Variants in ABRAXAS1 observed in about 807,000 individuals in gnomAD.
The protein encoded by ABRAXAS1 is BRCA1-A complex subunit Abraxas 1.
A neutral mutation model predicts 38.4 loss-of-function variants in ABRAXAS1; 26 were observed. That is an observed-to-expected ratio of 0.68 (90% CI 0.50 to 0.94). ABRAXAS1 has a LOEUF of 0.94. Among genes scored for constraint, ABRAXAS1 ranks in the 40% least tolerant of loss-of-function variants. The pLI is 0.00. For missense variants in ABRAXAS1, 438 were observed against 481.9 expected, an observed-to-expected ratio of 0.91 and a Z score of 0.85; for synonymous variants, 144 against 165.5, an observed-to-expected ratio of 0.87 and a Z score of 1.00.
chr4:83,461,442 C>T lies in ABRAXAS1; in HGVS notation c.*1027G>A. The T allele has an allele frequency of 2.2e-6, 1 of 458,014 alleles. No individual in the cohort carries two copies. Among genetic ancestry groups the T allele is most frequent in the Non-Finnish European group, 4.0e-6 (1 of 249,152 alleles). 28.4% of individuals were successfully genotyped at this position (458,014 alleles called of 1,614,324 possible). On this transcript the variant is annotated 3_prime_UTR_variant, in exon 9 of 9. Transcript: ENST00000321945. ...TCATTTATATCTGATCCCCAAATAG[C>T]TCATACAATAATCCATTCAATAGAA...
intron 2 of ABRAXAS1, chr4:83,477,866 ACT>A (rs1032647897): frequency 1.3e-6 from 1 of 749,122 alleles, no homozygotes; most frequent in Non-Finnish European, 2.4e-6. Context: ...AGAAGATGAA[ACT>A]CTTTTAATCA....
chr4:83,476,051 A>C (rs779477109), intron 3 of ABRAXAS1, among the ~76,000 whole-genome samples: 4 of 152,154 alleles, frequency 2.6e-5, no homozygotes, highest in African/African-American at 9.7e-5. Context: ...AAATATAAAA[A>C]TTAGCTGGGT....
chr4:83,480,671 A>G (rs1722968070), intron 2 of ABRAXAS1, among the ~76,000 whole-genome samples: 1 of 152,194 alleles, frequency 6.6e-6, no homozygotes, highest in Non-Finnish European at 1.5e-5. Flanking sequence ...CAGTAATACC[A>G]TATCTAGGAA....
chr4:83,481,849 A>C (rs1418346356), intron 2 of ABRAXAS1, among the ~76,000 whole-genome samples: 1 of 152,130 alleles, frequency 6.6e-6, no homozygotes, highest in Non-Finnish European at 1.5e-5. Flanking sequence ...TCTCAGGTTC[A>C]AGCAATTCTC....
In ABRAXAS1 at chr4:83,462,770, C is replaced by G; in HGVS notation, c.929G>C (p.Ser310Thr). ...SLKNRHVSKS[S>T]CNYNHHLDVV... ...ATCGAGATGGTGGTTGTAGTTACAG[C>G]TACTTTTAGAAACATGTCTATTTTT... is the stretch of plus-strand genomic sequence containing the variant. Residue 310 changes from serine (S) to threonine (T), a missense_variant, in exon 9 of 9, where the codon AGC becomes ACC. Ser to Thr is a moderately conservative substitution (Grantham distance 58, BLOSUM62 1). Around this residue, in one of 3 missense-constraint regions of ABRAXAS1, gnomAD observed 184 missense variants for 181.9 expected, o/e 1.01. Transcript: ENST00000321945. The G allele has an allele frequency of 6.2e-7, 1 of 1,613,922 alleles. No homozygotes were observed. Among genetic ancestry groups the G allele is most frequent in the Non-Finnish European group, 8.5e-7 (1 of 1,179,966 alleles).
intron 2 of ABRAXAS1, chr4:83,478,987 A>T (rs1213869151): frequency 6.6e-6 from 1 of 152,252 alleles, no homozygotes; most frequent in African/African-American, 2.4e-5. Flanking sequence ...CCAAGAAAAA[A>T]AGTAAAAAGT....
chr4:83,465,299 C>CAAAAA (rs35072866), intron 7 of ABRAXAS1, among the ~76,000 whole-genome samples: 3 of 88,106 alleles, frequency 3.4e-5, no homozygotes, highest in East Asian at 4.7e-4. Context: ...GACTCTGTCT[C>CAAAAA]AAAAAAAAAA....
chr4:83,462,734 T>C lies in ABRAXAS1; in HGVS notation c.965A>G (p.Asn322Ser), dbSNP rs771082457. 19 of 1,613,752 alleles carry C rather than the reference T, an allele frequency of 1.2e-5. No individual in the cohort carries two copies. Among genetic ancestry groups the C allele is most frequent in the Non-Finnish European group, 1.5e-5 (18 of 1,180,002 alleles). ...NYNHHLDVVD[N>S]LTLMVEHTDI... is the part of the protein sequence containing the mutation. The stretch of plus-strand genomic sequence containing the variant: ...AGTGTGTTCTACCATTAAGGTCAGA[T>C]TGTCTACTACATCGAGATGGTGGTT... The change falls in exon 9 of 9, where the codon AAT (asparagine) becomes AGT (serine). Residue 322 changes from asparagine to serine, a missense_variant. By Grantham distance (46) the Asn-to-Ser change is conservative (BLOSUM62 1). This residue lies in a region of ABRAXAS1 where 184 missense variants were observed against 181.9 expected (regional missense o/e 1.01). Coordinates refer to ENST00000321945, the MANE Select transcript of ABRAXAS1 (RefSeq NM_139076.3).
In ABRAXAS1 at chr4:83,482,652, C is replaced by T. The variant is rs572893637; in HGVS notation, c.88-408G>A. Among the ~76,000 whole-genome samples the T allele has an allele frequency of 3.9e-5, 6 of 152,234 alleles. No individual in the cohort carries two copies. In the East Asian group the frequency reaches 7.7e-4, roughly 20 times the overall value. ...TTGAGGCTGCAGTGAGCTATGATCA[C>T]GCCACTGCACTCCAGCCCAGGCGAT... is the stretch of plus-strand genomic sequence containing the variant. On this transcript the variant is annotated intron_variant, in intron 1 of 8. Transcript: ENST00000321945.
chr4:83,466,999 T>A (rs1388697702), intron 7 of ABRAXAS1: 1 of 155,756 alleles, frequency 6.4e-6, no homozygotes, highest in Admixed American at 6.5e-5. Flanking sequence ...TGTAAGCCAC[T>A]GAGATTGCAA....
intron 2 of ABRAXAS1, among the ~76,000 whole-genome samples, chr4:83,477,135 C>T (rs908441365): frequency 1.3e-5 from 2 of 152,166 alleles, no homozygotes; most frequent in Admixed American, 6.6e-5. Context: ...TTGGATTTTA[C>T]GTGTTTAAAC....
In ABRAXAS1 at chr4:83,485,056, G is replaced by A. The variant is rs758162182; in HGVS notation, c.17C>T (p.Thr6Met). Residue 6 changes from threonine to methionine, a missense_variant, in exon 1 of 9, where the codon ACG becomes ATG. Transcript: ENST00000321945. ...CACAAAGCCCGAGAGCACCGCCGAC[G>A]TACTCTCCCCCTCCATGCTACCGCC... is the stretch of plus-strand genomic sequence containing the variant. The part of the protein sequence containing the change: MEGES[T>M]SAVLSGFVLG... 5.6e-6 allele frequency: 9 copies of A among 1,593,044 alleles called. No homozygotes were observed. The highest frequency in any genetic ancestry group is 1.7e-5 in the Admixed American group (1 of 58,390).
In ABRAXAS1 at chr4:83,484,431, A is replaced by T. The variant is rs182947222; in HGVS notation, c.87+555T>A. Among the ~76,000 whole-genome samples, 311 of 152,380 alleles carry T rather than the reference A, an allele frequency of 2.0e-3. No homozygotes were observed. The highest frequency in any genetic ancestry group is 8.5e-3 in the South Asian group (41 of 4,832). On this transcript the variant is annotated intron_variant, in intron 1 of 8. Transcript: ENST00000321945. Reference sequence around the variant, plus strand: ...ACGTACTTTTAAAAACTGTTTTAACAAATTTAATAACGCAAATAAAAAGAT... The same window carrying T: ...ACGTACTTTTAAAAACTGTTTTAACTAATTTAATAACGCAAATAAAAAGAT...
chr4:83,471,785 G>A (rs189027650), intron 4 of ABRAXAS1, among the ~76,000 whole-genome samples: 3 of 151,908 alleles, frequency 2.0e-5, no homozygotes, highest in African/African-American at 7.3e-5. Flanking sequence ...CAGGAGAATC[G>A]CTTGAACCCA....
chr4:83,482,181 C>A lies in ABRAXAS1; in HGVS notation c.151G>T (p.Asp51Tyr). 6.2e-7 allele frequency: 1 copy of A among 1,610,416 alleles called. No homozygotes were observed. Among genetic ancestry groups the A allele is most frequent in the South Asian group, 1.1e-5 (1 of 90,348 alleles). ...AKNSITDSQM[D>Y]DVEVVYTIDI... Reference sequence around the variant, plus strand: ...ATTGTATAAACAACTTCAACATCATCCATTTGGGAATCAGTAATGCTGTTC... The same window carrying A: ...ATTGTATAAACAACTTCAACATCATACATTTGGGAATCAGTAATGCTGTTC... The change falls in exon 2 of 9, where the codon GAT becomes TAT. Residue 51 changes from aspartate to tyrosine, a missense_variant. Physicochemically the swap from Asp to Tyr is radical, Grantham distance 160. Coordinates refer to ENST00000321945, the MANE Select transcript of ABRAXAS1 (RefSeq NM_139076.3).
chr4:83,478,212 C>T, intron 2 of ABRAXAS1: 4 of 691,598 alleles, frequency 5.8e-6, no homozygotes, highest in South Asian at 2.7e-5. Flanking sequence ...GCCTCTAATC[C>T]AGGTGATGTG....
At position 83,482,244 on chromosome 4, in the gene ABRAXAS1, C is replaced by T. The variant is rs1208584168; in HGVS notation, c.88G>A (p.Glu30Lys). 6.3e-7 allele frequency: 1 copy of T among 1,596,386 alleles called. No homozygotes were observed. The highest frequency in any genetic ancestry group is 1.3e-5 in the African/African-American group (1 of 74,324). ...FQHLNTDSDT[E>K]GFLLGEVKGE... ...TTTACTTCCCCAAGAAGAAAACCTT[C>T]CTATGAAGATAAAGAGGCAATATAT... The change falls in exon 2 of 9, where the codon GAA becomes AAA. Residue 30 changes from glutamate (E) to lysine (K), a missense_variant and splice_region_variant. By Grantham distance (56) the Glu-to-Lys change is moderately conservative. Coordinates refer to ENST00000321945, the MANE Select transcript of ABRAXAS1 (RefSeq NM_139076.3).
At position 83,460,929 on chromosome 4, in the gene ABRAXAS1, A is replaced by T. The variant is rs1467176916; in HGVS notation, c.*1540T>A. ...TCAAAAAAAAAAATTGCAAACTTTAAATATTGACATTTTTTATGAATAAGA... is the reference window on the plus strand; with the variant it reads ...TCAAAAAAAAAAATTGCAAACTTTATATATTGACATTTTTTATGAATAAGA... On this transcript the variant is annotated 3_prime_UTR_variant, in exon 9 of 9. Coordinates refer to ENST00000321945, the MANE Select transcript of ABRAXAS1 (RefSeq NM_139076.3). The T allele has an allele frequency of 1.3e-6, 2 of 1,563,232 alleles. No homozygotes were observed. Among genetic ancestry groups the T allele is most frequent in the Non-Finnish European group, 1.7e-6 (2 of 1,152,356 alleles).
Position 83,462,493 on chromosome 4 carries a change from T to A in ABRAXAS1, c.1206A>T (p.Glu402Asp). 1 of 1,613,130 alleles carries A rather than the reference T, an allele frequency of 6.2e-7. No individual in the cohort carries two copies. The highest frequency in any genetic ancestry group is 8.5e-7 in the Non-Finnish European group (1 of 1,179,724). The change falls in exon 9 of 9, where the codon GAA (glutamate) becomes GAT (aspartate). Residue 402 changes from glutamate to aspartate, a missense_variant. Coordinates refer to ENST00000321945, the MANE Select transcript of ABRAXAS1 (RefSeq NM_139076.3). ...EEIEKMKGFG[E>D]YSRSPTF Reference sequence around the variant, plus strand: ...ATCAAAATGTAGGAGACCGTGAATATTCACCAAAACCCTTCATCTTTTCAA... The same window carrying A: ...ATCAAAATGTAGGAGACCGTGAATAATCACCAAAACCCTTCATCTTTTCAA...
Sources: gnomAD v4.1 joint callset for allele counts (sites outside exome capture counted in the v4.1 genomes callset) on GRCh38, gnomAD v4.1.1 for gene constraint, gnomAD v4.1.1 regional missense constraint, MANE v1.5 for transcripts, NCBI Gene and HGNC (gene_info 2026-07-23, HGNC 2026-07-21) for gene names.